The following BICD1 variants were observed in gnomAD, a reference collection of about 807,000 sequenced individuals.
BICD1 encodes the protein protein bicaudal D homolog 1.
In BICD1, 35 loss-of-function variants were observed where a neutral mutation model predicts 92.5. The observed-to-expected ratio is 0.38, with a 90% CI of 0.29 to 0.50. The LOEUF is 0.50. BICD1 is among the 20% of genes least tolerant of loss of function. The pLI, the probability that BICD1 is intolerant of heterozygous loss-of-function variation, is 0.93. For synonymous variants in BICD1, 429 were observed against 465.1 expected, an observed-to-expected ratio of 0.92 and a Z score of 1.00; for missense variants, 950 against 1,189.8, an observed-to-expected ratio of 0.80 and a Z score of 2.97.
intron 2 of BICD1, among the ~76,000 whole-genome samples, chr12:32,251,564 C>G (rs1274038454): frequency 6.6e-6 from 1 of 152,126 alleles, no homozygotes; most frequent in Non-Finnish European, 1.5e-5. Context: ...ATGTTTAATG[C>G]TCCTTGATTT....
chr12:32,376,575 G>T (rs1236706931), intron 9 of BICD1, among the ~76,000 whole-genome samples: 1 of 151,820 alleles, frequency 6.6e-6, no homozygotes, highest in Non-Finnish European at 1.5e-5. Flanking sequence ...CTTAACAAAT[G>T]GGAAATGTTA....
Position 32,184,054 on chromosome 12 carries a change from C to T in BICD1, c.214-32193C>T, listed in dbSNP as rs745865570. 5.9e-5 allele frequency among the ~76,000 whole-genome samples: 9 copies of T among 152,270 alleles called. No individual in the cohort carries two copies. In the South Asian group the frequency reaches 6.2e-4, roughly 11 times the overall value. On this transcript the variant is annotated intron_variant, in intron 1 of 9. Transcript: ENST00000652176. The stretch of plus-strand genomic sequence containing the variant: ...CTCTTTGAAAGCCTCTCAAACATGG[C>T]GCCATCCCTATTGCAGCCATTAGAG...
At chr12:32,375,331 C>G (rs955895850) in intron 9 of BICD1, among the ~76,000 whole-genome samples, 17 of 152,030 alleles carry the variant, frequency 1.1e-4, no homozygotes, top group Non-Finnish European at 4.4e-5. Flanking sequence ...GAGTTCGAGA[C>G]CAGCCTGGCC....
intron 3 of BICD1, among the ~76,000 whole-genome samples, chr12:32,303,127 GT>G (rs1948108260): frequency 6.6e-6 from 1 of 151,584 alleles, no homozygotes; most frequent in Non-Finnish European, 1.5e-5. Context: ...TAGAGAGAGG[GT>G]TTCATTATGT....
At position 32,244,272 on chromosome 12, in the gene BICD1, C is replaced by G. The variant is rs189448048; in HGVS notation, c.426+27813C>G. Among the ~76,000 whole-genome samples, 1,517 of 152,220 alleles carry G rather than the reference C, an allele frequency of 1.0e-2. 20 individuals carry two copies. Among genetic ancestry groups the G allele is most frequent in the African/African-American group, 0.027 (1,136 of 41,518 alleles). On this transcript the variant is annotated intron_variant, in intron 2 of 9. Coordinates refer to ENST00000652176, the MANE Select transcript of BICD1 (RefSeq NM_001714.4). ...GTCTGCTAATAGGTGCTCAGTATGA[C>G]GGAGCTTTTCTTGAGGACCATTTGA... is the stretch of plus-strand genomic sequence containing the variant.
At chr12:32,272,494 G>C (rs1481117405) in intron 2 of BICD1, among the ~76,000 whole-genome samples, 1 of 152,190 alleles carries the variant, frequency 6.6e-6, no homozygotes, top group African/African-American at 2.4e-5. Flanking sequence ...ATGGGTCCAG[G>C]TGCTAGGGTG....
intron 2 of BICD1, among the ~76,000 whole-genome samples, chr12:32,229,988 A>G (rs747462541): frequency 2.0e-5 from 3 of 152,132 alleles, no homozygotes; most frequent in Admixed American, 1.3e-4. Context: ...AATTTAATAT[A>G]TGGTAACACT....
chr12:32,180,751 A>G (rs1451362524), intron 1 of BICD1, among the ~76,000 whole-genome samples: 1 of 151,934 alleles, frequency 6.6e-6, no homozygotes, highest in African/African-American at 2.4e-5. Flanking sequence ...TTAATAATAA[A>G]AGCTAGCATT....
At chr12:32,216,560 C>T (rs1945369009) in intron 2 of BICD1, 101 bp downstream of exon 2, 1 of 1,273,414 alleles carries the variant, frequency 7.9e-7, no homozygotes, top group South Asian at 1.4e-5. Context: ...ATCAGAGGAG[C>T]TGTATTAAGC....
intron 2 of BICD1, among the ~76,000 whole-genome samples, chr12:32,259,326 G>A (rs1177668466): frequency 6.6e-6 from 1 of 152,008 alleles, no homozygotes; most frequent in Admixed American, 6.6e-5. Context: ...TCTTGCCTTG[G>A]CACCTGGGTA....
At chr12:32,159,632 G>A (rs571734052) in intron 1 of BICD1, among the ~76,000 whole-genome samples, 7 of 152,166 alleles carry the variant, frequency 4.6e-5, no homozygotes, top group Admixed American at 4.6e-4. Flanking sequence ...TCGCCAGCAG[G>A]TGCGATTCTG....
At chr12:32,247,822 C>T (rs919093357) in intron 2 of BICD1, among the ~76,000 whole-genome samples, 3 of 151,650 alleles carry the variant, frequency 2.0e-5, no homozygotes, top group African/African-American at 7.3e-5. Context: ...TGATGGCTCA[C>T]GCCTGTAATC....
At chr12:32,232,533 T>C (rs2121583652) in intron 2 of BICD1, among the ~76,000 whole-genome samples, 1 of 148,866 alleles carries the variant, frequency 6.7e-6, no homozygotes, top group South Asian at 2.2e-4. Flanking sequence ...TCCCATTTTG[T>C]AGGTTGCCTG....
At chr12:32,250,693 G>A (rs966597316) in intron 2 of BICD1, among the ~76,000 whole-genome samples, 1 of 152,128 alleles carries the variant, frequency 6.6e-6, no homozygotes, top group African/African-American at 2.4e-5. Context: ...GGAAGTGTAA[G>A]GATGAAGCCA....
intron 2 of BICD1, among the ~76,000 whole-genome samples, chr12:32,268,856 G>A (rs155201): frequency 0.63 from 95,682 of 152,022 alleles, 30,358 homozygotes; most frequent in African/African-American, 0.7. Context: ...AATTATTATT[G>A]TATCTAATTT....
At chr12:32,243,277 TTTTTTTTTGTA>T (rs954230716) in intron 2 of BICD1, among the ~76,000 whole-genome samples, 9 of 136,552 alleles carry the variant, frequency 6.6e-5, no homozygotes, top group African/African-American at 2.2e-4. Context: ...TTTTTTTTTT[TTTTTTTTTGTA>T]TTTTTGGTAG....
At chr12:32,109,676 T>A (rs1395134742) in intron 1 of BICD1, 1 of 151,972 alleles carries the variant, frequency 6.6e-6, no homozygotes, top group Non-Finnish European at 1.5e-5. Flanking sequence ...AAAACTGGTT[T>A]ATACAGTTAT....
At chr12:32,290,461 G>C (rs1394863029) in intron 2 of BICD1, among the ~76,000 whole-genome samples, 1 of 152,158 alleles carries the variant, frequency 6.6e-6, no homozygotes, top group Non-Finnish European at 1.5e-5. Context: ...ATTCCTATCA[G>C]ACTGCAGTTC....
chr12:32,157,613 C>T (rs1022436316), intron 1 of BICD1, among the ~76,000 whole-genome samples: 1 of 152,198 alleles, frequency 6.6e-6, no homozygotes, highest in African/African-American at 2.4e-5. Context: ...CCAAGGATAC[C>T]TGTTGGGTGG....
Sources: allele counts gnomAD v4.1 joint callset (sites outside exome capture counted in the v4.1 genomes callset), GRCh38; gene constraint gnomAD v4.1.1; transcripts MANE v1.5; gene names NCBI Gene and HGNC (gene_info 2026-07-23, HGNC 2026-07-21).